ABCA10: variants seen among roughly 807,000 people sequenced by gnomAD.
ABCA10 encodes the protein ATP-binding cassette sub-family A member 10.
In ABCA10, 169 loss-of-function variants were observed where a neutral mutation model predicts 187.5. That is an observed-to-expected ratio of 0.90 (90% confidence interval 0.80 to 1.02). The LOEUF (loss-of-function observed/expected upper bound fraction) is 1.02, where lower values mean the gene tolerates loss of function less well. Ranked by LOEUF, ABCA10 falls within the 50% of genes least tolerant of loss-of-function variation. The pLI is 0.00. For synonymous variants in ABCA10, 574 were observed against 601.8 expected, an observed-to-expected ratio of 0.95 and a Z score of 0.68; for missense variants, 1,727 against 1,812.4, an observed-to-expected ratio of 0.95 and a Z score of 0.86.
intron 9 of ABCA10, among the ~76,000 whole-genome samples, chr17:69,207,445 C>A (rs776309743): frequency 3.3e-5 from 5 of 152,056 alleles, no homozygotes; most frequent in Non-Finnish European, 7.4e-5. Flanking sequence ...CTCCCATATT[C>A]GTTGTAGCAT....
intron 21 of ABCA10, 38 bp downstream of exon 21, chr17:69,182,637 A>C (rs763922351): frequency 1.3e-6 from 2 of 1,534,352 alleles, no homozygotes; most frequent in African/African-American, 1.4e-5. Flanking sequence ...AAAAACAAAA[A>C]AAAACCAAAA....
At chr17:69,154,366 G>A in intron 30 of ABCA10, 40 bp from the exon 31 acceptor site, 12 of 1,456,254 alleles carry the variant, frequency 8.2e-6, no homozygotes, top group Non-Finnish European at 1.1e-5. Context: ...AATTTTCAAG[G>A]TTGACTAATC....
At chr17:69,229,495 A>C (rs2074816853), upstream of ABCA10, among the ~76,000 whole-genome samples, 3 of 152,014 alleles carry the variant, frequency 2.0e-5, no homozygotes, top group African/African-American at 2.4e-5. Context: ...AATGGCAAAT[A>C]ATGCCTCTTT....
chr17:69,170,407 T>A (rs1282933514), intron 25 of ABCA10, among the ~76,000 whole-genome samples: 1 of 140,178 alleles, frequency 7.1e-6, no homozygotes, highest in Admixed American at 7.5e-5. Flanking sequence ...CTTACTACAC[T>A]AATTACCACA....
intron 9 of ABCA10, among the ~76,000 whole-genome samples, chr17:69,209,307 A>C (rs1335648865): frequency 7.3e-6 from 1 of 137,034 alleles, no homozygotes; most frequent in Non-Finnish European, 1.7e-5. Flanking sequence ...CAAAAGAAGA[A>C]ACTTTATCTA....
Position 69,222,638 on chromosome 17 carries a change from A to G in ABCA10, c.94T>C (p.Tyr32His). ...ETMDIELPKK[Y>H]HEMVGVIFSD... is the part of the protein sequence containing the mutation. ...AATATAACTCCCACCATTTCATGGT[A>G]TTTTTTTGGAAGTTCTATATCCATG... The change falls in exon 4 of 39, where the codon TAC (tyrosine) becomes CAC (histidine). Residue 32 changes from tyrosine to histidine, a missense_variant. Tyr to His is a moderately conservative substitution (Grantham distance 83, BLOSUM62 2). Coordinates refer to ENST00000690296, the MANE Select transcript of ABCA10 (RefSeq NM_001377321.1). The G allele has an allele frequency of 2.5e-6, 4 of 1,601,038 alleles. No individual in the cohort carries two copies. The highest frequency in any genetic ancestry group is 3.4e-6 in the Non-Finnish European group (4 of 1,177,064).
At chr17:69,194,619 T>C in intron 11 of ABCA10, 124 bp from the exon 12 acceptor site, 6 of 595,780 alleles carry the variant, frequency 1.0e-5, no homozygotes, top group Non-Finnish European at 1.4e-5. Flanking sequence ...ACATCCCCTA[T>C]AAAATTATAC....
chr17:69,198,846 C>T (rs1202791271), intron 10 of ABCA10, among the ~76,000 whole-genome samples: 1 of 152,150 alleles, frequency 6.6e-6, no homozygotes, highest in Non-Finnish European at 1.5e-5. Context: ...CATAAAGCTG[C>T]CAAAGTGATC....
rs147522953 is a variant in ABCA10 at position 69,180,721 on chromosome 17, T to C, written c.2769+1432A>G. Among the ~76,000 whole-genome samples the C allele has an allele frequency of 4.5e-3, 686 of 152,318 alleles. 5 individuals carry two copies. Among genetic ancestry groups the C allele is most frequent in the African/African-American group, 0.016 (656 of 41,570 alleles). On this transcript the variant is annotated intron_variant, in intron 22 of 38. Coordinates refer to ENST00000690296, the MANE Select transcript of ABCA10 (RefSeq NM_001377321.1). ...TCCAGAGAGACACTGTATTGTTTTA[T>C]ATTAGATAGTTTCTCTACTTACAAT...
rs2074478477 is a variant in ABCA10, at chr17:69,193,703, T to G, written c.1522-91A>C. 6 of 1,549,098 alleles carry G rather than the reference T, an allele frequency of 3.9e-6. No individual in the cohort carries two copies. In the Middle Eastern group the frequency reaches 5.5e-4, roughly 142 times the overall value. On this transcript the variant is annotated intron_variant, in intron 13 of 38. Coordinates refer to ENST00000690296, the MANE Select transcript of ABCA10 (RefSeq NM_001377321.1). ...AAATGAAAAGGATTTAGTCTAGAAC[T>G]TCGTTGATTAAGCTTTACCTATCAA...
Position 69,193,531 on chromosome 17 carries a change from T to G in ABCA10, c.1603A>C (p.Lys535Gln), listed in dbSNP as rs376004282. 2.3e-4 allele frequency: 366 copies of G among 1,613,624 alleles called. No homozygotes were observed. Among genetic ancestry groups the G allele is most frequent in the Non-Finnish European group, 2.9e-4 (347 of 1,179,810 alleles). ...AKKLSGGQKR[K>Q]LTLGIAILGD... is the part of the protein sequence containing the mutation. ...AAGATGGCAATCCCTAGTGTTAGTTTTCTCTTCTGCCCACCACTTAATTTT... is the reference window on the plus strand; with the variant it reads ...AAGATGGCAATCCCTAGTGTTAGTTGTCTCTTCTGCCCACCACTTAATTTT... Residue 535 changes from lysine (K) to glutamine (Q), a missense_variant, in exon 14 of 39, where the codon AAA becomes CAA. Transcript: ENST00000690296.
chr17:69,241,199 G>C (rs952122984), intron 1 of ABCA10, among the ~76,000 whole-genome samples: 1 of 152,124 alleles, frequency 6.6e-6, no homozygotes, highest in African/African-American at 2.4e-5. Flanking sequence ...CAGAGGCTCA[G>C]ACAAAACAAA....
intron 10 of ABCA10, among the ~76,000 whole-genome samples, 171 bp from the exon 11 acceptor site, chr17:69,197,293 C>T (rs1400575152): frequency 6.6e-6 from 1 of 151,736 alleles, no homozygotes; most frequent in Non-Finnish European, 1.5e-5. Context: ...GAGATTTACA[C>T]AGACCTGCTA....
At chr17:69,177,973 A>AATATATATATATATATGTTATAT (rs2074348590) in intron 22 of ABCA10, among the ~76,000 whole-genome samples, 1 of 49,980 alleles carries the variant, frequency 2.0e-5, no homozygotes, top group African/African-American at 6.1e-5. Context: ...AAAAAAAAAA[A>AATATATATATATATATGTTATAT]ATATATATAT....
chr17:69,222,767 C>T, intron 3 of ABCA10, 70 bp from the exon 4 acceptor site: 1 of 1,365,152 alleles, frequency 7.3e-7, no homozygotes, highest in Non-Finnish European at 9.7e-7. Flanking sequence ...AAACAAAATA[C>T]AGTTGCTTGT....
chr17:69,188,605 T>G (rs2074438946), intron 18 of ABCA10, among the ~76,000 whole-genome samples: 1 of 151,602 alleles, frequency 6.6e-6, no homozygotes, highest in Admixed American at 6.6e-5. Context: ...TTGCGTGTCA[T>G]GGGGATTTGG....
Position 69,201,761 on chromosome 17 carries a change from T to A in ABCA10, c.1007-93A>T, listed in dbSNP as rs1011363866. On this transcript the variant is annotated intron_variant, in intron 9 of 38. Transcript: ENST00000690296. ...CTTTACTTGATATCAATTTTGAACT[T>A]AAGTTATTTATCTTGGGCATTTATA... The A allele has an allele frequency of 6.1e-5, 65 of 1,067,948 alleles. 3 individuals carry two copies. Among genetic ancestry groups the A allele is most frequent in the South Asian group, 1.1e-4 (5 of 44,398 alleles). The allele number at this position is 1,067,948 out of a possible 1,614,324, so 66.2% of individuals were successfully genotyped here.
intron 22 of ABCA10, among the ~76,000 whole-genome samples, chr17:69,181,606 T>C (rs1045357540): frequency 5.9e-5 from 9 of 152,034 alleles, no homozygotes; most frequent in Admixed American, 2.0e-4. Context: ...TTACATCTAA[T>C]TTACTAAGTA....
At chr17:69,154,129 A>G (rs1344891351) in intron 31 of ABCA10, 106 bp downstream of exon 31, 1 of 1,445,898 alleles carries the variant, frequency 6.9e-7, no homozygotes, top group African/African-American at 1.4e-5. Flanking sequence ...GAGAAATTTT[A>G]TAAATTCTTT....
Sources: allele counts gnomAD v4.1 joint callset (sites outside exome capture counted in the v4.1 genomes callset), GRCh38; gene constraint gnomAD v4.1.1; transcripts MANE v1.5; gene names NCBI Gene and HGNC (gene_info 2026-07-23, HGNC 2026-07-21).